The following NCR2 variants were observed in gnomAD, a reference collection of about 807,000 sequenced individuals.
NCR2 encodes NK cell activating receptor (NKp44).
A neutral mutation model predicts 30.7 loss-of-function variants in NCR2; 35 were observed. The ratio of observed to expected loss-of-function variants is 1.14; its 90% CI spans 0.87 to 1.51. NCR2 has a LOEUF of 1.51. Ranked by LOEUF, NCR2 falls within the 40% of genes most tolerant of loss-of-function variation. The pLI is 0.00. For missense variants in NCR2, 316 were observed against 328.9 expected (o/e 0.96, Z 0.30); for synonymous variants, 146 against 134.8 (o/e 1.08, Z -0.58).
chr6:41,347,775 G>A (rs1769338098), intron 4 of NCR2, among the ~76,000 whole-genome samples: 1 of 152,228 alleles, frequency 6.6e-6, no homozygotes, highest in Non-Finnish European at 1.5e-5. Context: ...CAACTTAGTT[G>A]GGTGTTCCTG....
At chr6:41,338,318 A>G (rs752994863) in intron 2 of NCR2, among the ~76,000 whole-genome samples, 11 of 152,246 alleles carry the variant, frequency 7.2e-5, no homozygotes, top group Non-Finnish European at 1.6e-4. Context: ...AAAGAGAATG[A>G]TTTCAAATTT....
chr6:41,347,466 T>A (rs1215684749), intron 4 of NCR2, among the ~76,000 whole-genome samples: 1 of 152,210 alleles, frequency 6.6e-6, no homozygotes, highest in Non-Finnish European at 1.5e-5. Flanking sequence ...GGCCTTTGAC[T>A]ATGCCACTCC....
intron 4 of NCR2, 75 bp from the exon 5 acceptor site, chr6:41,350,603 G>A: frequency 1.5e-6 from 2 of 1,303,300 alleles, no homozygotes; most frequent in Non-Finnish European, 2.1e-6. Context: ...GGATGGGGAA[G>A]GGGTTGCCTC....
intron 2 of NCR2, among the ~76,000 whole-genome samples, chr6:41,336,723 CAT>C (rs1226759484): frequency 1.3e-5 from 2 of 152,152 alleles, no homozygotes; most frequent in Non-Finnish European, 2.9e-5. Context: ...GACCACCCGG[CAT>C]CTTTGGTACA....
chr6:41,338,121 C>T lies in NCR2; in HGVS notation c.394+1693C>T, dbSNP rs557315230. On this transcript the variant is annotated intron_variant, in intron 2 of 4. Transcript: ENST00000373089. ...ATTGAAAAACATGTCGCTTTACTTC[C>T]TTGCATGGAAATATTAACTTCAGAA... Among the ~76,000 whole-genome samples, 3 of 152,262 alleles carry T rather than the reference C, an allele frequency of 2.0e-5. No individual in the cohort carries two copies. In the East Asian group the frequency reaches 5.8e-4, roughly 29 times the overall value.
chr6:41,338,371 T>C (rs1769084706), intron 2 of NCR2, among the ~76,000 whole-genome samples: 1 of 152,228 alleles, frequency 6.6e-6, no homozygotes, highest in Admixed American at 6.5e-5. Context: ...TCCATGTTGG[T>C]CAGCACAACG....
intron 2 of NCR2, among the ~76,000 whole-genome samples, chr6:41,336,671 T>C (rs1365601853): frequency 6.6e-6 from 1 of 152,158 alleles, no homozygotes; most frequent in East Asian, 1.9e-4. Context: ...CCGGTGAGCA[T>C]GCTGACCAGT....
chr6:41,335,880 G>T lies in NCR2; in HGVS notation c.4G>T (p.Ala2Ser), dbSNP rs1769007186. 6.4e-7 allele frequency: 1 copy of T among 1,566,726 alleles called. No homozygotes were observed. Among genetic ancestry groups the T allele is most frequent in the Non-Finnish European group, 8.7e-7 (1 of 1,155,178 alleles). M[A>S]WRALHPLLLL... ...GAGCGCACAGGAAAAGGACCACATG[G>T]CCTGGCGAGCCCTACACCCACTGCT... The change falls in exon 1 of 5, where the codon GCC (alanine) becomes TCC (serine). Residue 2 changes from alanine to serine, a missense_variant. Ala to Ser is a moderately conservative substitution (Grantham distance 99). Coordinates refer to ENST00000373089, the MANE Select transcript of NCR2 (RefSeq NM_004828.4).
chr6:41,337,852 C>T (rs1271760271), intron 2 of NCR2, among the ~76,000 whole-genome samples: 2 of 152,142 alleles, frequency 1.3e-5, no homozygotes, highest in East Asian at 1.9e-4. Context: ...AATTATCTTT[C>T]GATGGGAAAA....
intron 4 of NCR2, among the ~76,000 whole-genome samples, chr6:41,345,822 C>T (rs1769286055): frequency 6.6e-6 from 1 of 152,182 alleles, no homozygotes; most frequent in Non-Finnish European, 1.5e-5. Context: ...CAGTCATCAG[C>T]ACAAGCTCCT....
chr6:41,335,810 C>A lies in NCR2; in HGVS notation c.-67C>A. The A allele has an allele frequency of 6.7e-7, 1 of 1,494,966 alleles. No homozygotes were observed. Among genetic ancestry groups the A allele is most frequent in the Non-Finnish European group, 9.1e-7 (1 of 1,094,982 alleles). The allele number at this position is 1,494,966 out of a possible 1,614,324, so 92.6% of individuals were successfully genotyped here. A position where few individuals can be genotyped will look rare whatever the true frequency, so the allele number is the denominator to read the frequency against. ...GGAAGAGCAGCAGAATCAGGCCCAG[C>A]TCCCAATTCCCTCTCCCCAGTCTTC... On this transcript the variant is annotated 5_prime_UTR_variant, in exon 1 of 5. Coordinates refer to ENST00000373089, the MANE Select transcript of NCR2 (RefSeq NM_004828.4).
intron 2 of NCR2, among the ~76,000 whole-genome samples, chr6:41,340,125 A>T (rs1581660784): frequency 6.8e-6 from 1 of 147,260 alleles, no homozygotes; most frequent in East Asian, 1.9e-4. Context: ...ATGTTTATAC[A>T]CTTTTGGGCT....
chr6:41,347,733 G>A (rs1180611526), intron 4 of NCR2, among the ~76,000 whole-genome samples: 1 of 152,182 alleles, frequency 6.6e-6, no homozygotes, highest in Non-Finnish European at 1.5e-5. Context: ...AGGTTTTTTG[G>A]GGGGATGGGG....
At position 41,336,403 on chromosome 6, in the gene NCR2, C is replaced by G; in HGVS notation, c.369C>G (p.Val123=). 3.1e-6 allele frequency: 5 copies of G among 1,613,700 alleles called. No homozygotes were observed. The highest frequency in any genetic ancestry group is 4.2e-6 in the Non-Finnish European group (5 of 1,179,772). ...RPSDNSVSKS[V]RFYLVVSPAS... is the part of the protein sequence containing the mutation. The stretch of plus-strand genomic sequence containing the variant: ...CTGACAACTCTGTCTCTAAGTCCGT[C>G]AGATTCTATCTGGTGGTATCTCCAG... The change falls in exon 2 of 5, where the codon GTC becomes GTG. Residue 123 remains valine, a synonymous_variant. Transcript: ENST00000373089.
At chr6:41,336,013 C>G (rs1474883668) in intron 1 of NCR2, 74 bp from the exon 2 acceptor site, 26 of 1,587,244 alleles carry the variant, frequency 1.6e-5, no homozygotes, top group Non-Finnish European at 2.1e-5. Flanking sequence ...GCAGGTGGCT[C>G]TGTGGCCAGA....
chr6:41,338,590 TTG>T lies in NCR2; in HGVS notation c.394+2166_394+2167del, dbSNP rs1769088746. Among the ~76,000 whole-genome samples, 3 of 152,360 alleles carry T rather than the reference TTG, an allele frequency of 2.0e-5. No individual in the cohort carries two copies. The South Asian group carries it at 6.2e-4, about 32-fold the overall frequency. ...CATAGTTTTATACATTCAGAGCTAG[TTG>T]TGTTTGTGACAATTAAGCTAAAAGA... is the stretch of plus-strand genomic sequence containing the variant. On this transcript the variant is annotated intron_variant, in intron 2 of 4. Transcript: ENST00000373089.
At chr6:41,346,192 T>G (rs1769295602) in intron 4 of NCR2, among the ~76,000 whole-genome samples, 1 of 152,172 alleles carries the variant, frequency 6.6e-6, no homozygotes, top group African/African-American at 2.4e-5. Context: ...CATAATTCTT[T>G]GTGATCTTGG....
chr6:41,338,699 A>T (rs2114050187), intron 2 of NCR2, among the ~76,000 whole-genome samples: 1 of 152,344 alleles, frequency 6.6e-6, no homozygotes, highest in Non-Finnish European at 1.5e-5. Flanking sequence ...ACATTTTTTC[A>T]AATTGCCATG....
Position 41,335,720 on chromosome 6 carries a change from CCTTTGCAGT to C in NCR2, c.-154_-146del. 1 of 800,502 alleles carries C rather than the reference CCTTTGCAGT, an allele frequency of 1.2e-6. No homozygotes were observed. The highest frequency in any genetic ancestry group is 2.1e-6 in the Non-Finnish European group (1 of 475,106). The allele number at this position is 800,502 out of a possible 1,614,324, so 49.6% of individuals were successfully genotyped here. ...ACTTCCCTGTGCCCACAGAATCTGC[CCTTTGCAGT>C]CTCCCATCTCCCCAACCCAGGCCTC... On this transcript the variant is annotated 5_prime_UTR_variant, in exon 1 of 5. Transcript: ENST00000373089.
Sources: gnomAD v4.1 joint callset for allele counts (sites outside exome capture counted in the v4.1 genomes callset) on GRCh38, gnomAD v4.1.1 for gene constraint, MANE v1.5 for transcripts, NCBI Gene and HGNC (gene_info 2026-07-23, HGNC 2026-07-21) for gene names.